The following PCYOX1L variants were observed in gnomAD, a reference collection of about 807,000 sequenced individuals.
The protein encoded by PCYOX1L is prenylcysteine oxidase 1-like.
A neutral mutation model predicts 44.1 loss-of-function variants in PCYOX1L; 40 were observed. That is an observed-to-expected ratio of 0.91 (90% CI 0.70 to 1.18). The LOEUF is 1.18. Ranked by LOEUF, PCYOX1L falls within the 50% of genes most tolerant of loss-of-function variation. PCYOX1L has a pLI of 0.00. For missense variants in PCYOX1L, 605 were observed against 653.3 expected, an observed-to-expected ratio of 0.93 and a Z score of 0.81; for synonymous variants, 266 against 282.8, an observed-to-expected ratio of 0.94 and a Z score of 0.60.
In PCYOX1L at chr5:149,363,130, A is replaced by G. The variant is rs1693917; in HGVS notation, c.295+287A>G. On this transcript the variant is annotated intron_variant, in intron 2 of 5. Coordinates refer to ENST00000274569, the MANE Select transcript of PCYOX1L (RefSeq NM_024028.4). ...GTGATTATATCACCTTCCACATGCT[A>G]GTGCTTGCCAGGCACCTTCTGGGTG... 0.49 allele frequency: 267,374 copies of G among 541,356 alleles called. 68,178 individuals are homozygous for G. Among genetic ancestry groups the G allele is most frequent in the African/African-American group, 0.67 (35,658 of 53,480 alleles). The allele number at this position is 541,356 out of a possible 1,614,324, so 33.5% of individuals were successfully genotyped here.
chr5:149,368,804 A>G lies in PCYOX1L; in HGVS notation c.*150A>G, dbSNP rs1251893366. On this transcript the variant is annotated 3_prime_UTR_variant, in exon 6 of 6. Transcript: ENST00000274569. ...TCTCCAGGTGACCTACTGTCTGCCT[A>G]TATTAAGGGTCCACACGGCGGCTGC... is the stretch of plus-strand genomic sequence containing the variant. 8 of 685,544 alleles carry G rather than the reference A, an allele frequency of 1.2e-5. No homozygotes were observed. The African/African-American group carries it at 1.5e-4, about 13-fold the overall frequency. The allele number at this position is 685,544 out of a possible 1,614,324, so 42.5% of individuals were successfully genotyped here. A position where few individuals can be genotyped will look rare whatever the true frequency, so the allele number is the denominator to read the frequency against.
At chr5:149,363,779 G>A (rs1453967476) in intron 2 of PCYOX1L, 2 of 467,906 alleles carry the variant, frequency 4.3e-6, no homozygotes, top group Non-Finnish European at 7.7e-6. Flanking sequence ...GACATTCTGG[G>A]ATAAAATCTG....
chr5:149,368,406 T>C lies in PCYOX1L; in HGVS notation c.1237T>C (p.Ser413Pro). The change falls in exon 6 of 6, where the codon TCC (serine) becomes CCC (proline). Residue 413 changes from serine (S) to proline (P), a missense_variant. Coordinates refer to ENST00000274569, the MANE Select transcript of PCYOX1L (RefSeq NM_024028.4). ...GACCCAGCTAAAGACCCTGTTCCGT[T>C]CCTATTACTCAGTGCAGACAGCTGA... is the stretch of plus-strand genomic sequence containing the variant. The part of the protein sequence containing the change: ...FRTQLKTLFR[S>P]YYSVQTAEWQ... The C allele has an allele frequency of 4.3e-6, 7 of 1,614,142 alleles. No homozygotes were observed. The highest frequency in any genetic ancestry group is 5.9e-6 in the Non-Finnish European group (7 of 1,180,022).
chr5:149,361,775 T>C (rs1034243080), intron 1 of PCYOX1L, among the ~76,000 whole-genome samples: 2 of 152,164 alleles, frequency 1.3e-5, no homozygotes, highest in African/African-American at 4.8e-5. Flanking sequence ...ATTGCAGGCA[T>C]GCGCCACCAC....
At chr5:149,367,807 C>G (rs1758268542) in intron 5 of PCYOX1L, among the ~76,000 whole-genome samples, 186 bp from the exon 6 acceptor site, 1 of 152,196 alleles carries the variant, frequency 6.6e-6, no homozygotes, top group Non-Finnish European at 1.5e-5. Flanking sequence ...AACTGAGTCT[C>G]CTGACTCCAT....
intron 4 of PCYOX1L, 27 bp from the exon 5 acceptor site, chr5:149,367,333 T>A: frequency 6.3e-7 from 1 of 1,597,952 alleles, no homozygotes; most frequent in Non-Finnish European, 8.5e-7. Flanking sequence ...TGACAACCTA[T>A]CAGCACCCAC....
chr5:149,368,672 T>C lies in PCYOX1L; in HGVS notation c.*18T>C. 1.3e-6 allele frequency: 2 copies of C among 1,499,532 alleles called. No individual in the cohort carries two copies. The highest frequency in any genetic ancestry group is 2.7e-5 in the South Asian group (2 of 74,652). 92.9% of individuals were successfully genotyped at this position (1,499,532 alleles called of 1,614,324 possible). A position where few individuals can be genotyped will look rare whatever the true frequency, so the allele number is the denominator to read the frequency against. On this transcript the variant is annotated 3_prime_UTR_variant, in exon 6 of 6. Coordinates refer to ENST00000274569, the MANE Select transcript of PCYOX1L (RefSeq NM_024028.4). ...AACTGTGAGGGCTCTAGGGAGAGCCTGGGAACTTTCATCCCCCACTGAAGA... is the reference window on the plus strand; with the variant it reads ...AACTGTGAGGGCTCTAGGGAGAGCCCGGGAACTTTCATCCCCCACTGAAGA...
At chr5:149,363,036 G>A (rs1271490407) in intron 2 of PCYOX1L, 193 bp downstream of exon 2, 3 of 733,102 alleles carry the variant, frequency 4.1e-6, no homozygotes, top group African/African-American at 1.7e-5. Context: ...TTGCAGAGCC[G>A]GGATTAGAAC....
Position 149,358,084 on chromosome 5 carries a change from C to T in PCYOX1L, c.16C>T (p.Pro6Ser), listed in dbSNP as rs564014295. The change falls in exon 1 of 6, where the codon CCG becomes TCG. Residue 6 changes from proline to serine, a missense_variant. Pro to Ser is a moderately conservative substitution (Grantham distance 74, BLOSUM62 -1). Transcript: ENST00000274569. MARAA[P>S]LLAALTALLA... Reference sequence around the variant, plus strand: ...GCCGCCCGCCATGGCCCGCGCAGCCCCGCTGCTCGCCGCGTTGACCGCGCT... The same window carrying T: ...GCCGCCCGCCATGGCCCGCGCAGCCTCGCTGCTCGCCGCGTTGACCGCGCT... 6.3e-6 allele frequency: 9 copies of T among 1,432,318 alleles called. No individual in the cohort carries two copies. Among genetic ancestry groups the T allele is most frequent in the South Asian group, 2.8e-5 (2 of 71,360 alleles). 88.7% of individuals were successfully genotyped at this position (1,432,318 alleles called of 1,614,324 possible).
rs1399401321 is a variant in PCYOX1L at position 149,369,573 on chromosome 5, G to A, written c.*919G>A. On this transcript the variant is annotated 3_prime_UTR_variant, in exon 6 of 6. Coordinates refer to ENST00000274569, the MANE Select transcript of PCYOX1L (RefSeq NM_024028.4). ...CAGACACTAGCTTGAAGTAAGAGGA[G>A]AATTATGCTTTTCTTTGCTTTTTCT... 6.6e-6 allele frequency: 1 copy of A among 152,192 alleles called. No individual in the cohort carries two copies. The highest frequency in any genetic ancestry group is 1.5e-5 in the Non-Finnish European group (1 of 68,038). 9.4% of individuals were successfully genotyped at this position (152,192 alleles called of 1,614,324 possible). A position where few individuals can be genotyped will look rare whatever the true frequency, so the allele number is the denominator to read the frequency against.
chr5:149,365,571 GAA>G, intron 3 of PCYOX1L: 2 of 273,346 alleles, frequency 7.3e-6, no homozygotes, highest in South Asian at 4.6e-5. Context: ...AGCTGTGGCA[GAA>G]CCGACACTGT....
intron 1 of PCYOX1L, 76 bp from the exon 2 acceptor site, chr5:149,362,561 A>T: frequency 6.0e-6 from 9 of 1,489,514 alleles, no homozygotes; most frequent in Non-Finnish European, 8.4e-6. Context: ...GCGCAGGAGG[A>T]TACAAAGTGT....
intron 1 of PCYOX1L, among the ~76,000 whole-genome samples, chr5:149,359,730 A>G (rs979608539): frequency 5.3e-5 from 8 of 152,314 alleles, no homozygotes; most frequent in Admixed American, 4.6e-4. Flanking sequence ...GGCCCCATCC[A>G]AGAGTCATCC....
At chr5:149,364,507 G>A in intron 3 of PCYOX1L, 1 of 282,916 alleles carries the variant, frequency 3.5e-6, no homozygotes, top group Non-Finnish European at 6.9e-6. Context: ...TGGGATGCGA[G>A]TCAGTGAATC....
At chr5:149,364,251 C>A in intron 3 of PCYOX1L, 41 bp downstream of exon 3, 1 of 1,608,904 alleles carries the variant, frequency 6.2e-7, no homozygotes, top group South Asian at 1.1e-5. Context: ...TCCAGGGGAA[C>A]CGAGAAGAGG....
chr5:149,361,688 G>C (rs1032012454), intron 1 of PCYOX1L, among the ~76,000 whole-genome samples: 6 of 152,164 alleles, frequency 3.9e-5, no homozygotes, highest in African/African-American at 7.2e-5. Flanking sequence ...GAGTGCAATG[G>C]CACGATCTCA....
chr5:149,367,306 C>T, intron 4 of PCYOX1L, 54 bp from the exon 5 acceptor site: 1 of 1,571,064 alleles, frequency 6.4e-7, no homozygotes, highest in Non-Finnish European at 8.6e-7. Context: ...CTCCCCAGCC[C>T]TCCTGCCCCA....
chr5:149,364,091 C>G lies in PCYOX1L; in HGVS notation c.351C>G (p.His117Gln), dbSNP rs767539377. The change falls in exon 3 of 6, where the codon CAC becomes CAG. Residue 117 changes from histidine (H) to glutamine (Q), a missense_variant. His to Gln is a conservative substitution (Grantham distance 24). Transcript: ENST00000274569. The part of the protein sequence containing the change: ...VGRSAIFGGE[H>Q]FMLEETDWYL... ...GGAGCGCCATCTTCGGCGGGGAGCA[C>G]TTCATGCTGGAGGAGACTGACTGGT... 1 of 1,614,160 alleles carries G rather than the reference C, an allele frequency of 6.2e-7. No individual in the cohort carries two copies. Among genetic ancestry groups the G allele is most frequent in the Non-Finnish European group, 8.5e-7 (1 of 1,180,014 alleles).
At chr5:149,361,212 C>T (rs1758000508) in intron 1 of PCYOX1L, among the ~76,000 whole-genome samples, 1 of 152,128 alleles carries the variant, frequency 6.6e-6, no homozygotes, top group Non-Finnish European at 1.5e-5. Flanking sequence ...AGTTCAAGAC[C>T]AGCCTGGGCA....
Sources: gnomAD v4.1 joint callset for allele counts (sites outside exome capture counted in the v4.1 genomes callset) on GRCh38, gnomAD v4.1.1 for gene constraint, MANE v1.5 for transcripts, NCBI Gene and HGNC (gene_info 2026-07-23, HGNC 2026-07-21) for gene names.